The following CABIN1 variants were observed in gnomAD, a reference collection of about 807,000 sequenced individuals.
CABIN1 encodes calcineurin-binding protein cabin-1.
Under a neutral mutation model 227.7 loss-of-function variants are expected in CABIN1, and 133 were observed. The ratio of observed to expected loss-of-function variants is 0.58; its 90% CI spans 0.51 to 0.67. The LOEUF is 0.67. Ranked by LOEUF, CABIN1 falls within the 30% of genes least tolerant of loss-of-function variation. The pLI is 0.00. For missense variants in CABIN1, 2,408 were observed against 2,852.5 expected (o/e 0.84, Z 3.55); for synonymous variants, 1,086 against 1,155.1 (o/e 0.94, Z 1.21).
In CABIN1 at chr22:24,064,147, T is replaced by C. The variant is rs1356202296; in HGVS notation, c.1997T>C (p.Leu666Pro). 1.2e-6 allele frequency: 2 copies of C among 1,614,232 alleles called. No homozygotes were observed. The highest frequency in any genetic ancestry group is 4.5e-5 in the East Asian group (2 of 44,892). Residue 666 changes from leucine to proline, a missense_variant, in exon 15 of 37, where the codon CTG (leucine) becomes CCG (proline). Physicochemically the swap from Leu to Pro is moderately conservative, Grantham distance 98 (BLOSUM62 -3). Transcript: ENST00000263119. ...GAERRDIVIR[L>P]PNLHNDSVVS... is the part of the protein sequence containing the mutation. Reference sequence around the variant, plus strand: ...GAACGAAGAGACATTGTCATCCGGCTGCCCAACCTCCATAATGACTCTGTG... The same window carrying C: ...GAACGAAGAGACATTGTCATCCGGCCGCCCAACCTCCATAATGACTCTGTG...
At chr22:24,060,429 G>A (rs1166376191) in intron 12 of CABIN1, among the ~76,000 whole-genome samples, 1 of 152,120 alleles carries the variant, frequency 6.6e-6, no homozygotes, top group African/African-American at 2.4e-5. Flanking sequence ...AGTGGTAATA[G>A]TGGGGTGCTG....
intron 18 of CABIN1, among the ~76,000 whole-genome samples, chr22:24,075,200 TA>T (rs1048028683): frequency 2.0e-5 from 3 of 150,990 alleles, no homozygotes; most frequent in African/African-American, 7.3e-5. Context: ...GACCTCATCT[TA>T]AAAAAAAGAA....
intron 24 of CABIN1, among the ~76,000 whole-genome samples, chr22:24,094,508 T>C (rs2041755363): frequency 6.6e-6 from 1 of 152,160 alleles, no homozygotes; most frequent in South Asian, 2.1e-4. Flanking sequence ...GGTAAATATG[T>C]ATATCTTGTG....
intron 32 of CABIN1, 105 bp from the exon 33 acceptor site, chr22:24,168,342 G>T: frequency 1.8e-6 from 2 of 1,139,512 alleles, no homozygotes; most frequent in Non-Finnish European, 2.6e-6. Flanking sequence ...GAGCCACAGG[G>T]CATGCCCCCT....
At position 24,114,058 on chromosome 22, in the gene CABIN1, TTTGTTG is replaced by T. The variant is rs695681; in HGVS notation, c.4300+338_4300+343del. ...GTCTGTGATATCAGTGTGCTCTGTT[TTTGTTG>T]TTGTTGTTGTTGTTGTTGTTGTTGT... On this transcript the variant is annotated intron_variant, in intron 27 of 36. Coordinates refer to ENST00000263119, the MANE Select transcript of CABIN1 (RefSeq NM_012295.4). Among the ~76,000 whole-genome samples the T allele has an allele frequency of 5.4e-4, 82 of 151,696 alleles. 1 individual carries two copies. Among genetic ancestry groups the T allele is most frequent in the Admixed American group, 2.0e-3 (30 of 15,272 alleles).
chr22:24,036,153 G>C lies in CABIN1; in HGVS notation c.68G>C (p.Ser23Thr). 6.2e-7 allele frequency: 1 copy of C among 1,613,488 alleles called. No homozygotes were observed. The highest frequency in any genetic ancestry group is 8.5e-7 in the Non-Finnish European group (1 of 1,179,592). The change falls in exon 3 of 37, where the codon AGT (serine) becomes ACT (threonine). Residue 23 changes from serine (S) to threonine (T), a missense_variant. Coordinates refer to ENST00000263119, the MANE Select transcript of CABIN1 (RefSeq NM_012295.4). ...IEDDHEGSFK[S>T]HKTQTKEAQE... is the part of the protein sequence containing the mutation. ...GATGATCATGAAGGAAGCTTTAAAAGTCACAAAACCCAGACAAAGGAGGCT... is the reference window on the plus strand; with the variant it reads ...GATGATCATGAAGGAAGCTTTAAAACTCACAAAACCCAGACAAAGGAGGCT...
intron 1 of CABIN1, among the ~76,000 whole-genome samples, chr22:24,015,684 T>C (rs1264036218): frequency 6.6e-6 from 1 of 151,828 alleles, no homozygotes. Flanking sequence ...AGGCCAGGCA[T>C]GGTGGCTCAC....
intron 29 of CABIN1, among the ~76,000 whole-genome samples, chr22:24,155,178 T>G (rs1471801690): frequency 6.6e-6 from 1 of 152,056 alleles, no homozygotes; most frequent in Non-Finnish European, 1.5e-5. Context: ...CCTACCTTCA[T>G]GGGAAATCAG....
At chr22:24,135,196 G>C in intron 29 of CABIN1, among the ~76,000 whole-genome samples, 1 of 151,970 alleles carries the variant, frequency 6.6e-6, no homozygotes, top group East Asian at 1.9e-4. Context: ...TTCAAGACCA[G>C]CCTGGCCAAC....
At chr22:24,170,756 C>T (rs899530118) in intron 33 of CABIN1, among the ~76,000 whole-genome samples, 5 of 147,750 alleles carry the variant, frequency 3.4e-5, no homozygotes, top group Non-Finnish European at 7.5e-5. Context: ...CAAACTGCCC[C>T]CCCCCCCGCC....
At position 24,110,852 on chromosome 22, in the gene CABIN1, T is replaced by C. The variant is rs890296664; in HGVS notation, c.4118-2714T>C. Among the ~76,000 whole-genome samples, 4 of 137,634 alleles carry C rather than the reference T, an allele frequency of 2.9e-5. 1 individual carries two copies. The Admixed American group carries it at 3.1e-4, about 11-fold the overall frequency. The allele number at this position is 137,634 out of a possible 152,430, so 90.3% of individuals were successfully genotyped here. ...TCTTTGGGTTTCAGCAGTTTCAAAATGGCCCACCTAGGTGTGATTTTTTTT... is the reference window on the plus strand; with the variant it reads ...TCTTTGGGTTTCAGCAGTTTCAAAACGGCCCACCTAGGTGTGATTTTTTTT... On this transcript the variant is annotated intron_variant, in intron 26 of 36. Coordinates refer to ENST00000263119, the MANE Select transcript of CABIN1 (RefSeq NM_012295.4).
rs564771772 is a variant in CABIN1, at chr22:24,130,718, T to C, written c.4633-3584T>C. Among the ~76,000 whole-genome samples the C allele has an allele frequency of 3.3e-5, 5 of 152,218 alleles. No homozygotes were observed. The South Asian group carries it at 1.0e-3, about 32-fold the overall frequency. On this transcript the variant is annotated intron_variant, in intron 28 of 36. Coordinates refer to ENST00000263119, the MANE Select transcript of CABIN1 (RefSeq NM_012295.4). ...GGTCTCAGCCCTCCCTGTCAGCACC[T>C]ATCTGGGGCCTCAGGCATGAATCAG...
At position 24,083,292 on chromosome 22, in the gene CABIN1, A is replaced by T. The variant is rs1160197251; in HGVS notation, c.2813A>T (p.Glu938Val). ...TSEDTHPYKE[E>V]LETALEQCFY... is the part of the protein sequence containing the mutation. ...GAAGACACGCACCCTTACAAGGAGG[A>T]GCTGGAGACAGCCTTGGAGCAGTGC... The change falls in exon 20 of 37, where the codon GAG becomes GTG. Residue 938 changes from glutamate (E) to valine (V), a missense_variant. By Grantham distance (121) the Glu-to-Val change is moderately radical. Coordinates refer to ENST00000263119, the MANE Select transcript of CABIN1 (RefSeq NM_012295.4). 1 of 1,613,534 alleles carries T rather than the reference A, an allele frequency of 6.2e-7. No individual in the cohort carries two copies. Among genetic ancestry groups the T allele is most frequent in the Non-Finnish European group, 8.5e-7 (1 of 1,180,016 alleles).
chr22:24,046,201 A>T (rs1449541115), intron 6 of CABIN1, among the ~76,000 whole-genome samples: 1 of 152,164 alleles, frequency 6.6e-6, no homozygotes, highest in African/African-American at 2.4e-5. Flanking sequence ...TGTGGGGCAC[A>T]GCAGTCTCTA....
intron 6 of CABIN1, among the ~76,000 whole-genome samples, chr22:24,044,428 C>T (rs1332246178): frequency 1.3e-5 from 2 of 152,114 alleles, no homozygotes; most frequent in Non-Finnish European, 2.9e-5. Context: ...GGTTCATGCC[C>T]ACACTGATCT....
In CABIN1 at chr22:24,035,511, T is replaced by C; in HGVS notation, c.-7T>C. On this transcript the variant is annotated 5_prime_UTR_variant, in exon 2 of 37. Coordinates refer to ENST00000263119, the MANE Select transcript of CABIN1 (RefSeq NM_012295.4). Reference sequence around the variant, plus strand: ...GATGCTCGTGGCAGTGCTGAATCTCTCTGAATATGGTAAGGACTGATGCCT... The same window carrying C: ...GATGCTCGTGGCAGTGCTGAATCTCCCTGAATATGGTAAGGACTGATGCCT... The C allele has an allele frequency of 1.9e-6, 3 of 1,614,210 alleles. No individual in the cohort carries two copies. Among genetic ancestry groups the C allele is most frequent in the Non-Finnish European group, 2.5e-6 (3 of 1,180,030 alleles).
At position 24,156,151 on chromosome 22, in the gene CABIN1, C is replaced by G. The variant is rs574248011; in HGVS notation, c.4747-8249C>G. ...CGGGGCTGGGGCTGCGCAACCGCTT[C>G]GCCTCCGCTGCCCGTCTGGGTCTCC... On this transcript the variant is annotated intron_variant, in intron 29 of 36. Transcript: ENST00000263119. 191 of 394,392 alleles carry G rather than the reference C, an allele frequency of 4.8e-4. No individual in the cohort carries two copies. The East Asian group carries it at 6.8e-3, about 14-fold the overall frequency. The allele number at this position is 394,392 out of a possible 1,614,324, so 24.4% of individuals were successfully genotyped here.
At chr22:24,050,712 G>A in intron 7 of CABIN1, 113 bp from the exon 8 acceptor site, 1 of 1,319,748 alleles carries the variant, frequency 7.6e-7, no homozygotes. Flanking sequence ...TTATTTATAG[G>A]AAGAAAAATA....
intron 20 of CABIN1, among the ~76,000 whole-genome samples, chr22:24,084,134 A>G (rs932700936): frequency 3.3e-5 from 5 of 152,232 alleles, no homozygotes; most frequent in Non-Finnish European, 5.9e-5. Context: ...TGGCTCAGCC[A>G]CGTGGGCTTA....
Sources: gnomAD v4.1 joint callset for allele counts (sites outside exome capture counted in the v4.1 genomes callset) on GRCh38, gnomAD v4.1.1 for gene constraint, MANE v1.5 for transcripts, NCBI Gene and HGNC (gene_info 2026-07-23, HGNC 2026-07-21) for gene names.